CLIC5: variants seen among roughly 807,000 people sequenced by gnomAD.
The protein encoded by CLIC5 is CLIC family member 5, also known as chloride intracellular channel protein 5.
In CLIC5, 20 loss-of-function variants were observed where a neutral mutation model predicts 24.7. The observed-to-expected ratio is 0.81, with a 90% CI of 0.57 to 1.18. The LOEUF (loss-of-function observed/expected upper bound fraction) is 1.18. CLIC5 is among the 50% of genes most tolerant of loss of function. The pLI, the probability that CLIC5 is intolerant of heterozygous loss-of-function variation, is 0.00. For synonymous variants in CLIC5, 159 were observed against 135.6 expected (o/e 1.17, Z -1.20); for missense variants, 341 against 326.1 (o/e 1.05, Z -0.35).
At chr6:46,018,082 C>G (rs1264897347), upstream of CLIC5, among the ~76,000 whole-genome samples, 1 of 152,188 alleles carries the variant, frequency 6.6e-6, no homozygotes, top group Non-Finnish European at 1.5e-5. Context: ...TAGGGAAGGA[C>G]CAAGGTTACA....
At chr6:46,079,680 T>TG (rs1248463659) in intron 1 of CLIC5, 1 of 1,539,234 alleles carries the variant, frequency 6.5e-7, no homozygotes, top group Non-Finnish European at 8.8e-7. Context: ...GAACAGGGTA[T>TG]GCCTGTCAGA....
intron 5 of CLIC5, among the ~76,000 whole-genome samples, chr6:45,904,637 CT>C (rs552270109): frequency 1.2e-4 from 18 of 145,844 alleles, no homozygotes; most frequent in Non-Finnish European, 2.4e-4. Flanking sequence ...CTCCCTCCCT[CT>C]TTTCTGTCCC....
intron 1 of CLIC5, among the ~76,000 whole-genome samples, chr6:45,974,456 T>C (rs1050425422): frequency 1.8e-4 from 27 of 149,078 alleles, no homozygotes; most frequent in Non-Finnish European, 3.0e-5. Flanking sequence ...AATATGTTTT[T>C]CATGTCTTGG....
chr6:45,912,286 GTTCTTTCATTGGCCATC>G, intron 5 of CLIC5: 1 of 1,002,358 alleles, frequency 1.0e-6, no homozygotes, highest in Non-Finnish European at 1.2e-6. Context: ...GCTGGCCTTT[GTTCTTTCATTGGCCATC>G]TTCTTTTTGA....
At chr6:46,027,543 C>T (rs949100027) in intron 1 of CLIC5, among the ~76,000 whole-genome samples, 5 of 152,198 alleles carry the variant, frequency 3.3e-5, no homozygotes, top group Non-Finnish European at 7.3e-5. Flanking sequence ...CAGAAGTTTT[C>T]ATTCAGTGAA....
At chr6:45,990,576 A>C (rs1260864364) in intron 1 of CLIC5, among the ~76,000 whole-genome samples, 1 of 152,212 alleles carries the variant, frequency 6.6e-6, no homozygotes, top group Non-Finnish European at 1.5e-5. Flanking sequence ...AAAAATTTAA[A>C]TAATAACATT....
chr6:45,911,910 G>A (rs1170907615), intron 5 of CLIC5: 1 of 985,362 alleles, frequency 1.0e-6, no homozygotes, highest in Non-Finnish European at 1.2e-6. Flanking sequence ...ACTAGGAGGG[G>A]GCCAGACAAT....
chr6:46,096,137 G>A, the CLIC5 span, among the ~76,000 whole-genome samples: 1 of 152,126 alleles, frequency 6.6e-6, no homozygotes, highest in Non-Finnish European at 1.5e-5. Context: ...GAGAGTAGGG[G>A]GAGGTGCCAC....
intron 1 of CLIC5, among the ~76,000 whole-genome samples, chr6:46,030,107 C>T (rs562752535): frequency 2.2e-4 from 33 of 152,224 alleles, no homozygotes; most frequent in African/African-American, 7.2e-4. Context: ...GAGCCTCATA[C>T]GTATATATAA....
At chr6:46,101,480 G>A in the CLIC5 span, among the ~76,000 whole-genome samples, 2 of 152,200 alleles carry the variant, frequency 1.3e-5, no homozygotes, top group African/African-American at 4.8e-5. Flanking sequence ...AGCAGAGGAG[G>A]TTGGTTTTGT....
upstream of CLIC5, among the ~76,000 whole-genome samples, chr6:46,016,092 A>T (rs1157889259): frequency 8.4e-6 from 1 of 119,690 alleles, no homozygotes; most frequent in Non-Finnish European, 1.8e-5. Context: ...AGAGTCGAGG[A>T]GAAGGGGAAG....
the CLIC5 span, among the ~76,000 whole-genome samples, chr6:46,126,444 T>C: frequency 6.6e-6 from 1 of 152,332 alleles, no homozygotes; most frequent in South Asian, 2.1e-4. Flanking sequence ...AAAAAATTCC[T>C]TTAGAGTGAA....
At position 45,900,531 on chromosome 6, in the gene CLIC5, C is replaced by CAAAAAAAAAAAAAAA. The variant is rs397957956; in HGVS notation, c.*2556_*2557insTTTTTTTTTTTTTTT. On this transcript the variant is annotated 3_prime_UTR_variant, in exon 6 of 6. Transcript: ENST00000339561. ...ATCTGGAGAAAGATCTCTTTTGAAACAAAAAAAAAAAGGAAGGTAATATTA... is the reference window on the plus strand; with the variant it reads ...ATCTGGAGAAAGATCTCTTTTGAAACAAAAAAAAAAAAAAAAAAAAAAAAAAGGAAGGTAATATTA... 3 of 128,758 alleles carry CAAAAAAAAAAAAAAA rather than the reference C, an allele frequency of 2.3e-5. No individual in the cohort carries two copies. Among genetic ancestry groups the CAAAAAAAAAAAAAAA allele is most frequent in the African/African-American group, 9.0e-5 (3 of 33,370 alleles). The allele number at this position is 128,758 out of a possible 1,614,324, so 8.0% of individuals were successfully genotyped here. A position where few individuals can be genotyped will look rare whatever the true frequency, so the allele number is the denominator to read the frequency against.
upstream of CLIC5, among the ~76,000 whole-genome samples, chr6:46,082,009 C>T (rs920035449): frequency 6.6e-6 from 1 of 152,166 alleles, no homozygotes; most frequent in African/African-American, 2.4e-5. Flanking sequence ...TATACATATG[C>T]ATTTTGTACA....
intron 5 of CLIC5, chr6:45,911,999 G>A (rs752076994): frequency 4.1e-6 from 4 of 985,460 alleles, no homozygotes; most frequent in African/African-American, 1.7e-5. Context: ...ACCTGAAAGC[G>A]AGCCACGCAA....
chr6:45,886,169 G>A (rs955722711), intron 6 of CLIC5, among the ~76,000 whole-genome samples: 2 of 152,164 alleles, frequency 1.3e-5, no homozygotes, highest in Non-Finnish European at 2.9e-5. Flanking sequence ...TGGGTTGGTC[G>A]GTGGTCCCAG....
At chr6:46,031,301 G>A (rs1374222512) in intron 1 of CLIC5, among the ~76,000 whole-genome samples, 1 of 152,026 alleles carries the variant, frequency 6.6e-6, no homozygotes, top group Non-Finnish European at 1.5e-5. Flanking sequence ...GTGTGCCAAC[G>A]GGTGCCATAA....
At chr6:46,018,404 C>A (rs1324825532), upstream of CLIC5, among the ~76,000 whole-genome samples, 1 of 152,144 alleles carries the variant, frequency 6.6e-6, no homozygotes, top group Non-Finnish European at 1.5e-5. Flanking sequence ...GGACAGATCT[C>A]TTTCAATAAC....
At chr6:45,956,622 C>CT (rs1256672774) in intron 1 of CLIC5, among the ~76,000 whole-genome samples, 1 of 151,976 alleles carries the variant, frequency 6.6e-6, no homozygotes, top group South Asian at 2.1e-4. Flanking sequence ...TCATTGTGTG[C>CT]TTTTTTCTAC....
Sources: allele counts gnomAD v4.1 joint callset (sites outside exome capture counted in the v4.1 genomes callset), GRCh38; gene constraint gnomAD v4.1.1; transcripts MANE v1.5; gene names NCBI Gene and HGNC (gene_info 2026-07-23, HGNC 2026-07-21).